CCDC141: variants seen among roughly 807,000 people sequenced by gnomAD.
CCDC141 encodes the protein coiled-coil domain-containing protein 141.
Under a neutral mutation model 181.0 loss-of-function variants are expected in CCDC141, and 168 were observed. The observed-to-expected ratio is 0.93, with a 90% CI of 0.82 to 1.05. CCDC141 has a LOEUF of 1.05. Ranked by LOEUF, CCDC141 falls within the 50% of genes least tolerant of loss-of-function variation. The pLI is 0.00. For missense variants in CCDC141, 1,902 were observed against 1,788.5 expected, an observed-to-expected ratio of 1.06 and a Z score of -1.14; for synonymous variants, 666 against 642.3, an observed-to-expected ratio of 1.04 and a Z score of -0.56.
intron 2 of CCDC141, among the ~76,000 whole-genome samples, chr2:179,017,495 CCT>C (rs2042577466): frequency 1.3e-5 from 2 of 152,080 alleles, no homozygotes. Flanking sequence ...TCCTCATTCC[CCT>C]GTTTTAAAGA....
At chr2:178,894,423 CA>C (rs1687312548) in intron 8 of CCDC141, among the ~76,000 whole-genome samples, 1 of 151,820 alleles carries the variant, frequency 6.6e-6, no homozygotes, top group South Asian at 2.1e-4. Flanking sequence ...GTTCAACAAC[CA>C]AGAGATAAAT....
chr2:178,963,065 AC>A (rs1690476115), intron 4 of CCDC141, among the ~76,000 whole-genome samples: 1 of 152,224 alleles, frequency 6.6e-6, no homozygotes, highest in South Asian at 2.1e-4. Flanking sequence ...TGCACCCAGC[AC>A]TTAGCACAGT....
intron 2 of CCDC141, among the ~76,000 whole-genome samples, chr2:178,988,486 TA>T (rs34363305): frequency 0.37 from 55,678 of 150,328 alleles, 11,759 homozygotes; most frequent in Non-Finnish European, 0.49. Context: ...AAATAAATAA[TA>T]AAAAAAAAGA....
At chr2:179,045,273 C>T (rs4287800) in intron 2 of CCDC141, among the ~76,000 whole-genome samples, 104,010 of 132,356 alleles carry the variant, frequency 0.79, 41,307 homozygotes, top group East Asian at 0.92. Context: ...TTTGGTTTTT[C>T]GTTCTTGCCA....
At chr2:178,980,619 G>T (rs1182193531) in intron 2 of CCDC141, among the ~76,000 whole-genome samples, 1 of 152,052 alleles carries the variant, frequency 6.6e-6, no homozygotes, top group African/African-American at 2.4e-5. Flanking sequence ...ACCCCTCCTG[G>T]GTTCAGCAGA....
chr2:179,049,747 G>A (rs1020337830), intron 1 of CCDC141, 93 bp downstream of exon 1: 59 of 1,370,312 alleles, frequency 4.3e-5, no homozygotes, highest in Non-Finnish European at 5.6e-5. Flanking sequence ...TCTCTATGCT[G>A]TGTCCTGCCG....
At chr2:178,918,053 G>A (rs1341271373) in intron 7 of CCDC141, among the ~76,000 whole-genome samples, 1 of 152,110 alleles carries the variant, frequency 6.6e-6, no homozygotes, top group African/African-American at 2.4e-5. Context: ...CTTCCTCCAT[G>A]GGAAACACTA....
intron 22 of CCDC141, among the ~76,000 whole-genome samples, chr2:178,839,581 CAAAAAAAAAAAA>C (rs58096328): frequency 1.7e-5 from 1 of 59,498 alleles, no homozygotes; most frequent in Non-Finnish European, 2.8e-5. Context: ...ACTTCGTCTC[CAAAAAAAAAAAA>C]AAAAAAAAAA....
At chr2:178,818,885 A>T in the CCDC141 span, among the ~76,000 whole-genome samples, 80 of 152,226 alleles carry the variant, frequency 5.3e-4, no homozygotes, top group Non-Finnish European at 9.9e-4. Context: ...ACTAATTTAC[A>T]CTCCCCAAAA....
chr2:178,947,985 A>T (rs923669886), intron 5 of CCDC141, among the ~76,000 whole-genome samples: 1 of 152,144 alleles, frequency 6.6e-6, no homozygotes, highest in African/African-American at 2.4e-5. Context: ...GGATTCCTTG[A>T]CCTCAAGAGT....
chr2:178,828,940 T>G (rs944399355), downstream of CCDC141, among the ~76,000 whole-genome samples: 3 of 152,198 alleles, frequency 2.0e-5, no homozygotes, highest in Admixed American at 6.5e-5. Flanking sequence ...TAAAAAGAAC[T>G]GTTGTTGAAT....
In CCDC141 at chr2:178,909,727, C is replaced by T. The variant is rs183444011; in HGVS notation, c.1093-4226G>A. 1.6e-4 allele frequency among the ~76,000 whole-genome samples: 25 copies of T among 152,210 alleles called. No homozygotes were observed. The East Asian group carries it at 3.9e-3, about 24-fold the overall frequency. On this transcript the variant is annotated intron_variant, in intron 7 of 23. Transcript: ENST00000443758. ...CATACCCATAAAGAACCTGATATAT[C>T]GGACCCAGCCTGGAAAGACTCCCTT...
chr2:179,025,882 C>G (rs749808887), intron 2 of CCDC141, among the ~76,000 whole-genome samples: 6 of 151,966 alleles, frequency 3.9e-5, no homozygotes, highest in Admixed American at 6.6e-5. Context: ...TGTGTTTTAG[C>G]AAAGAGATTG....
chr2:178,921,693 A>G (rs1688696115), intron 6 of CCDC141, among the ~76,000 whole-genome samples: 1 of 152,206 alleles, frequency 6.6e-6, no homozygotes, highest in South Asian at 2.1e-4. Context: ...TAGTCATCTC[A>G]GGGGACCAAT....
At position 178,871,568 on chromosome 2, in the gene CCDC141, G is replaced by A; in HGVS notation, c.2080-16C>T. 6.2e-7 allele frequency: 1 copy of A among 1,612,342 alleles called. No homozygotes were observed. The highest frequency in any genetic ancestry group is 1.1e-5 in the South Asian group (1 of 90,678). Reference sequence around the variant, plus strand: ...TGTGAGAAGTCTGAAATAAATATTGGACAGTTACACATGCATTTTCTTTGA... The same window carrying A: ...TGTGAGAAGTCTGAAATAAATATTGAACAGTTACACATGCATTTTCTTTGA... On this transcript the variant is annotated splice_polypyrimidine_tract_variant and intron_variant, in intron 13 of 23. Transcript: ENST00000443758.
At chr2:179,026,609 C>T (rs1475126144) in intron 2 of CCDC141, among the ~76,000 whole-genome samples, 1 of 152,198 alleles carries the variant, frequency 6.6e-6, no homozygotes, top group Non-Finnish European at 1.5e-5. Flanking sequence ...CAGAGTACCC[C>T]CAGCAGCAGT....
rs772113699 is a variant in CCDC141 at position 178,853,422 on chromosome 2, A to C, written c.3244+19T>G. On this transcript the variant is annotated intron_variant, in intron 20 of 23. Coordinates refer to ENST00000443758, the MANE Select transcript of CCDC141 (RefSeq NM_173648.4). ...TTTGTTCAATGGCCAATCACTGGAT[A>C]TCTTAAAAGAGATCTCACCATATAA... 2.5e-6 allele frequency: 4 copies of C among 1,609,152 alleles called. No homozygotes were observed. In the South Asian group the frequency reaches 4.4e-5, roughly 18 times the overall value.
chr2:178,876,882 A>T (rs2154369691), intron 12 of CCDC141: 1 of 152,326 alleles, frequency 6.6e-6, no homozygotes, highest in Admixed American at 6.5e-5. Flanking sequence ...AATGGCTGAC[A>T]CAGGTATAAT....
At position 178,831,804 on chromosome 2, in the gene CCDC141, C is replaced by T. The variant is rs1006719675; in HGVS notation, c.*2369G>A. The T allele has an allele frequency of 6.6e-6, 1 of 152,188 alleles. No homozygotes were observed. Among genetic ancestry groups the T allele is most frequent in the African/African-American group, 2.4e-5 (1 of 41,460 alleles). 9.4% of individuals were successfully genotyped at this position (152,188 alleles called of 1,614,324 possible). ...GATGGATAGGTACACAGAAAGCTATCTGTACTATATCTTGAATATCAGCAT... is the reference window on the plus strand; with the variant it reads ...GATGGATAGGTACACAGAAAGCTATTTGTACTATATCTTGAATATCAGCAT... On this transcript the variant is annotated 3_prime_UTR_variant, in exon 24 of 24. Transcript: ENST00000443758.
Sources: allele counts gnomAD v4.1 joint callset (sites outside exome capture counted in the v4.1 genomes callset), GRCh38; gene constraint gnomAD v4.1.1; transcripts MANE v1.5; gene names NCBI Gene and HGNC (gene_info 2026-07-23, HGNC 2026-07-21).